Variants in CDKL5 observed in about 807,000 individuals in gnomAD.
The protein encoded by CDKL5 is cyclin-dependent kinase-like 5.
In CDKL5, 8 loss-of-function variants were observed where a neutral mutation model predicts 61.7. The ratio of observed to expected loss-of-function variants is 0.13; its 90% confidence interval spans 0.08 to 0.23. CDKL5 has a LOEUF of 0.23. Ranked by LOEUF, CDKL5 falls within the 10% of genes least tolerant of loss-of-function variation. CDKL5 has a pLI of 1.00. For synonymous variants in CDKL5, 275 were observed against 272.3 expected (o/e 1.01, Z -0.10); for missense variants, 440 against 734.5 (o/e 0.60, Z 4.63).
At chrX:18,436,778 G>A (rs752754359) in intron 1 of CDKL5, among the ~76,000 whole-genome samples, 1 of 107,125 alleles carries the variant, frequency 9.3e-6, no homozygotes, top group Admixed American at 1.0e-4. Flanking sequence ...TGTGCCTGTA[G>A]TCCCAGCTAC....
intron 5 of CDKL5, among the ~76,000 whole-genome samples, chrX:18,579,254 T>C (rs2147142156): frequency 8.9e-6 from 1 of 112,043 alleles, no homozygotes; most frequent in South Asian, 3.7e-4. Flanking sequence ...TTTGCATGAA[T>C]TTTAGTTATA....
chrX:18,426,017 G>A (rs1479468706), intron 1 of CDKL5, among the ~76,000 whole-genome samples: 1 of 111,283 alleles, frequency 9.0e-6, no homozygotes, highest in South Asian at 3.6e-4. Flanking sequence ...CCTCAGCGGC[G>A]GGTCTGCGGC....
intron 17 of CDKL5, among the ~76,000 whole-genome samples, chrX:18,625,661 A>G (rs1927017568): frequency 8.9e-6 from 1 of 112,140 alleles, no homozygotes. Flanking sequence ...AAATTGAAAG[A>G]CAGGTATGAT....
In CDKL5 at chrX:18,628,908, G is replaced by A. The variant is rs762268902; in HGVS notation, c.*151G>A. On this transcript the variant is annotated 3_prime_UTR_variant, in exon 18 of 18. Coordinates refer to ENST00000623535, the MANE Select transcript of CDKL5 (RefSeq NM_001323289.2). ...GTGCAATATTGCATGTGTTGGGGCCGTTGAGCTCCTCGCGGCCACAAATGC... is the reference window on the plus strand; with the variant it reads ...GTGCAATATTGCATGTGTTGGGGCCATTGAGCTCCTCGCGGCCACAAATGC... The A allele has an allele frequency of 7.4e-5, 78 of 1,059,800 alleles. No homozygotes were observed. The African/African-American group carries it at 1.1e-3, about 14-fold the overall frequency. The allele number at this position is 1,059,800 out of a possible 1,213,427, so 87.3% of individuals were successfully genotyped here.
Position 18,609,287 on chromosome X carries a change from G to A in CDKL5, c.2047-178G>A, listed in dbSNP as rs183698277. ...CGTGTGCCTGTAGTCCCAGCTACTC[G>A]GGAGGCTGAGGCAGGAGGATTGCTT... On this transcript the variant is annotated intron_variant, in intron 13 of 17. Transcript: ENST00000623535. Among the ~76,000 whole-genome samples the A allele has an allele frequency of 3.0e-3, 335 of 110,955 alleles. 2 individuals are homozygous for A. The highest frequency in any genetic ancestry group is 0.011 in the African/African-American group (333 of 30,538).
chrX:18,436,390 G>A (rs1351084194), intron 1 of CDKL5, among the ~76,000 whole-genome samples: 2 of 111,262 alleles, frequency 1.8e-5, no homozygotes, highest in Non-Finnish European at 1.9e-5. Context: ...AACCTGTGTT[G>A]TTCAAGGGTC....
chrX:18,488,316 A>G (rs893496672), intron 1 of CDKL5, among the ~76,000 whole-genome samples: 4 of 111,502 alleles, frequency 3.6e-5, no homozygotes, highest in African/African-American at 1.3e-4. Context: ...TTAAATCTGG[A>G]TATTCAAAAT....
At chrX:18,569,790 G>A (rs1428569993) in intron 4 of CDKL5, among the ~76,000 whole-genome samples, 1 of 110,709 alleles carries the variant, frequency 9.0e-6, no homozygotes, top group Non-Finnish European at 1.9e-5. Flanking sequence ...GTGATGGAGT[G>A]AGGGGAGAGC....
intron 9 of CDKL5, among the ~76,000 whole-genome samples, chrX:18,594,866 C>G (rs1925938730): frequency 8.9e-6 from 1 of 112,296 alleles, no homozygotes; most frequent in East Asian, 2.8e-4. Context: ...TTATTTGACA[C>G]CCAGTCGTAG....
chrX:18,486,362 T>C (rs1395495673), intron 1 of CDKL5, among the ~76,000 whole-genome samples: 5 of 112,019 alleles, frequency 4.5e-5, no homozygotes, highest in Non-Finnish European at 9.4e-5. Context: ...GAAGACTTTG[T>C]TATATGTGAT....
At chrX:18,623,872 A>G (rs1462708829) in intron 16 of CDKL5, 23 of 737,922 alleles carry the variant, frequency 3.1e-5, no homozygotes, top group Non-Finnish European at 3.5e-5. Flanking sequence ...TGTATCTTAT[A>G]TTGCAGACAG....
chrX:18,631,516 ACAAAGATTGC>A lies in CDKL5; in HGVS notation c.*2762_*2771del. ...CTGTTGATGAAAAATTACTGACATC[ACAAAGATTGC>A]CATCCATGGTAGAAAGGACTTGATT... On this transcript the variant is annotated 3_prime_UTR_variant, in exon 18 of 18. Transcript: ENST00000623535. The A allele has an allele frequency of 1.3e-6, 1 of 754,547 alleles. No individual in the cohort carries two copies. The highest frequency in any genetic ancestry group is 1.6e-6 in the Non-Finnish European group (1 of 639,366). The allele number at this position is 754,547 out of a possible 1,213,427, so 62.2% of individuals were successfully genotyped here. A position where few individuals can be genotyped will look rare whatever the true frequency, so the allele number is the denominator to read the frequency against.
chrX:18,541,365 CATCT>C (rs1164699032), intron 3 of CDKL5, among the ~76,000 whole-genome samples: 1 of 112,052 alleles, frequency 8.9e-6, no homozygotes, highest in Non-Finnish European at 1.9e-5. Context: ...ATTTTTCCCC[CATCT>C]GTTTCTTTTC....
chrX:18,641,835 T>C (rs1259648822), downstream of CDKL5: 2 of 464,645 alleles, frequency 4.3e-6, no homozygotes, highest in Non-Finnish European at 7.2e-6. Context: ...TTTTATTTCA[T>C]TGAAATCAGA....
At chrX:18,451,214 G>A (rs1190199662) in intron 1 of CDKL5, among the ~76,000 whole-genome samples, 1 of 110,346 alleles carries the variant, frequency 9.1e-6, no homozygotes, top group African/African-American at 3.3e-5. Context: ...TTTTTGAGCC[G>A]GAGTTTTGCT....
intron 1 of CDKL5, among the ~76,000 whole-genome samples, chrX:18,494,358 C>T (rs1922094010): frequency 1.8e-5 from 2 of 112,544 alleles, no homozygotes. Context: ...AGTGATTCTC[C>T]TGCCTCAGCC....
intron 3 of CDKL5, among the ~76,000 whole-genome samples, chrX:18,545,470 C>T (rs959870108): frequency 9.9e-5 from 11 of 111,612 alleles, no homozygotes; most frequent in African/African-American, 3.3e-4. Context: ...AAATATTATC[C>T]ATGCCAGTAC....
At chrX:18,499,094 T>G (rs1922286594) in intron 1 of CDKL5, among the ~76,000 whole-genome samples, 1 of 111,913 alleles carries the variant, frequency 8.9e-6, no homozygotes, top group South Asian at 3.7e-4. Flanking sequence ...TTGAATTGCT[T>G]TATGGCCTAG....
At chrX:18,427,997 A>T (rs1931404212) in intron 1 of CDKL5, among the ~76,000 whole-genome samples, 1 of 111,992 alleles carries the variant, frequency 8.9e-6, no homozygotes, top group African/African-American at 3.2e-5. Flanking sequence ...GCCGTCTCGC[A>T]TAGATGGGTA....
Sources: allele counts gnomAD v4.1 joint callset (sites outside exome capture counted in the v4.1 genomes callset), GRCh38; gene constraint gnomAD v4.1.1; transcripts MANE v1.5; gene names NCBI Gene and HGNC (gene_info 2026-07-23, HGNC 2026-07-21).